Variants in NRG3 observed in about 807,000 individuals in gnomAD.
NRG3 encodes the protein pro-neuregulin-3, membrane-bound isoform.
NRG3 carries 31 observed loss-of-function variants against 66.9 expected under a neutral mutation model. The observed-to-expected ratio is 0.46, with a 90% CI of 0.35 to 0.63. The LOEUF (loss-of-function observed/expected upper bound fraction) is 0.63, where lower values mean the gene tolerates loss of function less well. Ranked by LOEUF, NRG3 falls within the 20% of genes least tolerant of loss-of-function variation. The pLI is 0.00. For synonymous variants in NRG3, 393 were observed against 359.4 expected, an observed-to-expected ratio of 1.09 and a Z score of -1.06; for missense variants, 910 against 878.9, an observed-to-expected ratio of 1.04 and a Z score of -0.45.
At chr10:82,847,034 A>G (rs936552049) in intron 3 of NRG3, among the ~76,000 whole-genome samples, 1 of 152,208 alleles carries the variant, frequency 6.6e-6, no homozygotes, top group Non-Finnish European at 1.5e-5. Flanking sequence ...CTGCAGACTC[A>G]TCAGAGATCC....
intron 1 of NRG3, among the ~76,000 whole-genome samples, chr10:81,896,540 A>T (rs1843544329): frequency 6.6e-6 from 1 of 152,144 alleles, no homozygotes; most frequent in African/African-American, 2.4e-5. Flanking sequence ...ATTTTTGGAG[A>T]AAGCTAAAAT....
intron 1 of NRG3, among the ~76,000 whole-genome samples, chr10:82,004,956 G>C (rs960641708): frequency 1.3e-5 from 2 of 152,178 alleles, no homozygotes; most frequent in Non-Finnish European, 1.5e-5. Flanking sequence ...GTTTTCTTAC[G>C]GCAGCCCTAG....
intron 1 of NRG3, among the ~76,000 whole-genome samples, chr10:81,952,220 AC>A (rs1849431641): frequency 6.6e-6 from 1 of 152,122 alleles, no homozygotes; most frequent in African/African-American, 2.4e-5. Context: ...GTGCACATGT[AC>A]CCTAAAACTT....
intron 2 of NRG3, among the ~76,000 whole-genome samples, chr10:82,665,243 C>T (rs760225576): frequency 6.6e-6 from 1 of 152,190 alleles, no homozygotes; most frequent in Non-Finnish European, 1.5e-5. Flanking sequence ...CTGCTGATTA[C>T]TCAAGCCCTT....
intron 2 of NRG3, among the ~76,000 whole-genome samples, chr10:82,362,079 CAAAAAAAAAAAAAAAA>C (rs58975630): frequency 2.9e-4 from 4 of 13,914 alleles, no homozygotes; most frequent in East Asian, 3.6e-3. Flanking sequence ...AAAGTACATG[CAAAAAAAAAAAAAAAA>C]AAAAAAAAAA....
chr10:82,660,545 C>T (rs2052275746), intron 2 of NRG3, among the ~76,000 whole-genome samples: 1 of 152,084 alleles, frequency 6.6e-6, no homozygotes, highest in African/African-American at 2.4e-5. Context: ...AGTGGCAGTG[C>T]TAATAGCCAG....
At chr10:82,521,881 A>G (rs1282523882) in intron 2 of NRG3, among the ~76,000 whole-genome samples, 1 of 150,864 alleles carries the variant, frequency 6.6e-6, no homozygotes, top group Non-Finnish European at 1.5e-5. Flanking sequence ...CACCAGATGA[A>G]GAAACCACTT....
intron 1 of NRG3, among the ~76,000 whole-genome samples, chr10:82,295,907 C>A (rs201805872): frequency 8.6e-5 from 13 of 150,636 alleles, no homozygotes; most frequent in South Asian, 2.1e-4. Context: ...TAAAAAAGGA[C>A]AAAAAAAACC....
At chr10:82,166,022 T>G (rs940297500) in intron 1 of NRG3, among the ~76,000 whole-genome samples, 1 of 151,862 alleles carries the variant, frequency 6.6e-6, no homozygotes, top group Non-Finnish European at 1.5e-5. Flanking sequence ...TATTTTTAAT[T>G]TATTATTAAT....
At chr10:82,336,632 C>A (rs542138472) in intron 1 of NRG3, among the ~76,000 whole-genome samples, 1 of 151,720 alleles carries the variant, frequency 6.6e-6, no homozygotes, top group African/African-American at 2.4e-5. Context: ...AAGCGATTCT[C>A]CTGCCTCAGC....
intron 2 of NRG3, among the ~76,000 whole-genome samples, chr10:82,672,388 G>A (rs74475321): frequency 0.014 from 2,105 of 152,240 alleles, 54 homozygotes; most frequent in African/African-American, 0.048. Context: ...GTATTGATTT[G>A]TTTGAAAATG....
chr10:81,995,574 C>T (rs368578733), intron 1 of NRG3, among the ~76,000 whole-genome samples: 1 of 152,334 alleles, frequency 6.6e-6, no homozygotes, highest in East Asian at 1.9e-4. Flanking sequence ...TGATTACTTA[C>T]TGATGGAAAA....
intron 7 of NRG3, among the ~76,000 whole-genome samples, chr10:82,978,051 A>G (rs999625165): frequency 3.9e-5 from 6 of 152,184 alleles, no homozygotes; most frequent in Non-Finnish European, 8.8e-5. Flanking sequence ...TGAGCACTGC[A>G]GAACCAGTGT....
Position 81,904,005 on chromosome 10 carries a change from T to TTTTG in NRG3, c.823+27858_823+27861dup, listed in dbSNP as rs1554852251. Among the ~76,000 whole-genome samples the TTTTG allele has an allele frequency of 2.8e-3, 412 of 146,910 alleles. 1 individual carries two copies. Among genetic ancestry groups the TTTTG allele is most frequent in the African/African-American group, 9.7e-3 (380 of 38,978 alleles). On this transcript the variant is annotated intron_variant, in intron 1 of 8. Transcript: ENST00000372141. ...ATATATATATATATATATTTTTTTT[T>TTTTG]TTTGTTTGTTTGTTTGTTTTGGAGA...
chr10:82,790,910 TTTTA>T (rs1055285387), intron 3 of NRG3, among the ~76,000 whole-genome samples: 19 of 151,840 alleles, frequency 1.3e-4, no homozygotes, highest in East Asian at 1.9e-4. Context: ...CAATGACACA[TTTTA>T]TTTATTTATT....
chr10:82,258,161 G>C (rs1214663319), intron 1 of NRG3, among the ~76,000 whole-genome samples: 1 of 152,174 alleles, frequency 6.6e-6, no homozygotes, highest in African/African-American at 2.4e-5. Context: ...AGAATAAAAT[G>C]CATCAGTTAA....
At chr10:81,896,388 T>A (rs944605171) in intron 1 of NRG3, among the ~76,000 whole-genome samples, 4 of 152,138 alleles carry the variant, frequency 2.6e-5, no homozygotes, top group African/African-American at 9.7e-5. Flanking sequence ...CATTTCTCTT[T>A]AGGTTGATTG....
At chr10:82,843,996 A>G (rs2063188044) in intron 3 of NRG3, among the ~76,000 whole-genome samples, 2 of 152,302 alleles carry the variant, frequency 1.3e-5, no homozygotes, top group South Asian at 2.1e-4. Context: ...AACCTCCAAC[A>G]TATCATTTGT....
At chr10:82,822,055 T>C (rs2061975512) in intron 3 of NRG3, among the ~76,000 whole-genome samples, 1 of 152,078 alleles carries the variant, frequency 6.6e-6, no homozygotes, top group Non-Finnish European at 1.5e-5. Context: ...CATGAGTCAA[T>C]GGAGACCCAC....
Sources: allele counts gnomAD v4.1 joint callset (sites outside exome capture counted in the v4.1 genomes callset), GRCh38; gene constraint gnomAD v4.1.1; transcripts MANE v1.5; gene names NCBI Gene and HGNC (gene_info 2026-07-23, HGNC 2026-07-21).